The following LAMA3 variants were observed in gnomAD, a reference collection of about 807,000 sequenced individuals.
LAMA3 encodes laminin subunit alpha 3, also known as laminin subunit alpha-3.
In LAMA3, 281 loss-of-function variants were observed where a neutral mutation model predicts 402.0. That is an observed-to-expected ratio of 0.70 (90% CI 0.63 to 0.77). The LOEUF is 0.77. Among genes scored for constraint, LAMA3 ranks in the 30% least tolerant of loss-of-function variants. The pLI is 0.00. For missense variants in LAMA3, 3,840 were observed against 4,215.5 expected (o/e 0.91, Z 2.47); for synonymous variants, 1,431 against 1,558.4 (o/e 0.92, Z 1.93).
chr18:23,815,045 C>A, intron 15 of LAMA3, 143 bp from the exon 16 acceptor site: 1 of 743,396 alleles, frequency 1.3e-6, no homozygotes. Flanking sequence ...AATTTTAGGC[C>A]TCAGCGATGC....
At chr18:23,702,448 C>T (rs1306781587) in intron 1 of LAMA3, among the ~76,000 whole-genome samples, 1 of 152,056 alleles carries the variant, frequency 6.6e-6, no homozygotes, top group African/African-American at 2.4e-5. Context: ...CTCAGCCTCC[C>T]AAGTAGCTGG....
intron 37 of LAMA3, 143 bp downstream of exon 37, chr18:23,868,060 CT>C (rs2064408927): frequency 1.4e-6 from 1 of 723,896 alleles, no homozygotes; most frequent in Non-Finnish European, 2.3e-6. Context: ...GTTGAGCATC[CT>C]TAATCTGAAA....
chr18:23,744,786 C>G (rs547935358), intron 2 of LAMA3, among the ~76,000 whole-genome samples: 7 of 141,450 alleles, frequency 4.9e-5, no homozygotes, highest in Non-Finnish European at 1.0e-4. Context: ...GAGCCAAGAT[C>G]GCACCACTGC....
chr18:23,785,387 C>G (rs1011470171), intron 12 of LAMA3, among the ~76,000 whole-genome samples: 9 of 152,206 alleles, frequency 5.9e-5, no homozygotes, highest in Non-Finnish European at 1.3e-4. Context: ...ACTCCCTCCC[C>G]TAAGCTGGAG....
chr18:23,932,432 C>T, intron 66 of LAMA3, 141 bp downstream of exon 66: 1 of 954,774 alleles, frequency 1.0e-6, no homozygotes, highest in Non-Finnish European at 1.6e-6. Context: ...AAAATGCCAT[C>T]TTTGGCAAGA....
chr18:23,925,116 G>A (rs536416442), intron 62 of LAMA3, among the ~76,000 whole-genome samples: 13 of 152,342 alleles, frequency 8.5e-5, no homozygotes, highest in East Asian at 7.7e-4. Flanking sequence ...ACCAGCCAAC[G>A]CTTCCAGAGC....
chr18:23,897,960 GTTTGGACCTAGGC>G (rs2080932296), intron 44 of LAMA3, among the ~76,000 whole-genome samples: 1 of 152,158 alleles, frequency 6.6e-6, no homozygotes, highest in African/African-American at 2.4e-5. Context: ...CAGACTAAGG[GTTTGGACCTAGGC>G]TTTATTTAAA....
chr18:23,840,422 A>T (rs2063675662), intron 27 of LAMA3, among the ~76,000 whole-genome samples: 1 of 126,396 alleles, frequency 7.9e-6, no homozygotes, highest in Non-Finnish European at 1.6e-5. Context: ...TTGCTCTATC[A>T]CTCAAACTTG....
At chr18:23,819,500 G>A (rs1461954374) in intron 18 of LAMA3, among the ~76,000 whole-genome samples, 1 of 152,172 alleles carries the variant, frequency 6.6e-6, no homozygotes, top group African/African-American at 2.4e-5. Flanking sequence ...AAATGAATGA[G>A]TGATTAAATA....
At position 23,729,122 on chromosome 18, in the gene LAMA3, A is replaced by ATG. The variant is rs72333694; in HGVS notation, c.447+15080_447+15081dup. On this transcript the variant is annotated intron_variant, in intron 2 of 74. Coordinates refer to ENST00000313654, the MANE Select transcript of LAMA3 (RefSeq NM_198129.4). ...AGTGCATATGATGTATTGTGTGTGT[A>ATG]TGTGTGTGTGTGTGTGTGTGTGTGT... Among the ~76,000 whole-genome samples the ATG allele has an allele frequency of 1.8e-3, 258 of 147,080 alleles. 2 individuals are homozygous for ATG. The highest frequency in any genetic ancestry group is 6.3e-3 in the South Asian group (29 of 4,598).
intron 53 of LAMA3, 22 bp downstream of exon 53, chr18:23,907,688 T>C (rs2081294055): frequency 6.2e-7 from 1 of 1,611,282 alleles, no homozygotes; most frequent in Non-Finnish European, 8.5e-7. Flanking sequence ...CCTAATCCAT[T>C]GTACTCGGTT....
chr18:23,873,380 T>A (rs2064597583), intron 38 of LAMA3, among the ~76,000 whole-genome samples: 1 of 152,220 alleles, frequency 6.6e-6, no homozygotes, highest in Non-Finnish European at 1.5e-5. Context: ...CCTGACAGAT[T>A]GCTCTCCCGA....
At chr18:23,829,417 G>T (rs867423598) in intron 23 of LAMA3, among the ~76,000 whole-genome samples, 1 of 151,792 alleles carries the variant, frequency 6.6e-6, no homozygotes, top group Admixed American at 6.6e-5. Context: ...TCCTTCTTTC[G>T]CATCTGTTTC....
At chr18:23,892,054 C>A (rs1391537432) in intron 42 of LAMA3, among the ~76,000 whole-genome samples, 5 of 152,158 alleles carry the variant, frequency 3.3e-5, no homozygotes, top group Non-Finnish European at 7.4e-5. Flanking sequence ...TTCTCTGAGA[C>A]ATAAGGGACA....
chr18:23,742,242 G>A (rs1056840108), intron 2 of LAMA3, among the ~76,000 whole-genome samples: 3 of 152,148 alleles, frequency 2.0e-5, no homozygotes, highest in African/African-American at 7.2e-5. Context: ...TTAAGACTTA[G>A]AACAGACTGT....
At chr18:23,930,668 A>G (rs753584466) in intron 64 of LAMA3, among the ~76,000 whole-genome samples, 3 of 152,102 alleles carry the variant, frequency 2.0e-5, no homozygotes, top group Non-Finnish European at 4.4e-5. Flanking sequence ...GGATCGCTTG[A>G]GCCTGGAACA....
chr18:23,890,258 A>G, intron 42 of LAMA3, 141 bp downstream of exon 42: 1 of 693,738 alleles, frequency 1.4e-6, no homozygotes, highest in Non-Finnish European at 2.6e-6. Flanking sequence ...ATAATACACA[A>G]TTCCAGCCAG....
intron 62 of LAMA3, among the ~76,000 whole-genome samples, chr18:23,926,896 C>T (rs1487198152): frequency 6.6e-6 from 1 of 152,222 alleles, no homozygotes; most frequent in African/African-American, 2.4e-5. Context: ...TGAGTCCTTA[C>T]TCTGTACAAA....
intron 6 of LAMA3, among the ~76,000 whole-genome samples, chr18:23,756,659 C>A (rs561788811): frequency 6.6e-6 from 1 of 152,142 alleles, no homozygotes; most frequent in Non-Finnish European, 1.5e-5. Context: ...TTCCATCTAC[C>A]GCAGTGAGAC....
Sources: allele counts gnomAD v4.1 joint callset (sites outside exome capture counted in the v4.1 genomes callset), GRCh38; gene constraint gnomAD v4.1.1; transcripts MANE v1.5; gene names NCBI Gene and HGNC (gene_info 2026-07-23, HGNC 2026-07-21).